The following DPH5 variants were observed in gnomAD, a reference collection of about 807,000 sequenced individuals.
DPH5 encodes diphthine methyl ester synthase.
DPH5 carries 31 observed loss-of-function variants against 31.6 expected under a neutral mutation model. The ratio of observed to expected loss-of-function variants is 0.98; its 90% CI spans 0.74 to 1.32. The LOEUF is 1.32. DPH5 is among the 40% of genes most tolerant of loss of function. The pLI, the probability that DPH5 is intolerant of heterozygous loss-of-function variation, is 0.00. For missense variants in DPH5, 309 were observed against 335.7 expected (o/e 0.92, Z 0.62); for synonymous variants, 120 against 115.0 (o/e 1.04, Z -0.28).
chr1:101,011,341 C>T (rs1397205284), intron 4 of DPH5, among the ~76,000 whole-genome samples: 3 of 152,076 alleles, frequency 2.0e-5, no homozygotes, highest in Non-Finnish European at 4.4e-5. Context: ...AAGACAGAAC[C>T]TTAAAAGGCA....
In DPH5 at chr1:101,025,780, A is replaced by G. The variant is rs1490290901; in HGVS notation, c.-121T>C. The G allele has an allele frequency of 3.9e-6, 1 of 253,412 alleles. No individual in the cohort carries two copies. Among genetic ancestry groups the G allele is most frequent in the African/African-American group, 2.3e-5 (1 of 44,096 alleles). The allele number at this position is 253,412 out of a possible 1,614,324, so 15.7% of individuals were successfully genotyped here. A position where few individuals can be genotyped will look rare whatever the true frequency, so the allele number is the denominator to read the frequency against. ...GCAAAAGCGCCGGCTCCGTGCAGAG[A>G]AAAGGCCCACGCCGCCGGCCTCACC... is the stretch of plus-strand genomic sequence containing the variant. On this transcript the variant is annotated 5_prime_UTR_variant, in exon 1 of 8. Coordinates refer to ENST00000370109, the MANE Select transcript of DPH5 (RefSeq NM_015958.3).
At chr1:101,017,300 G>A (rs903659940) in intron 3 of DPH5, among the ~76,000 whole-genome samples, 4 of 152,184 alleles carry the variant, frequency 2.6e-5, no homozygotes, top group Non-Finnish European at 1.5e-5. Context: ...TTATATGAGA[G>A]TCCTATCTCC....
chr1:101,021,881 T>TCTGC (rs1660487323), intron 2 of DPH5, 116 bp from the exon 3 acceptor site: 3 of 1,106,104 alleles, frequency 2.7e-6, no homozygotes, highest in Non-Finnish European at 3.8e-6. Context: ...GACTGGTGCA[T>TCTGC]ATGTTGGCAA....
At chr1:101,025,273 T>C in intron 2 of DPH5, 36 bp downstream of exon 2, 1 of 1,609,810 alleles carries the variant, frequency 6.2e-7, no homozygotes, top group Admixed American at 1.7e-5. Flanking sequence ...TTAGATAGCT[T>C]TCTTCCCAGG....
chr1:100,994,980 T>A, intron 6 of DPH5, 130 bp downstream of exon 6: 1 of 617,932 alleles, frequency 1.6e-6, no homozygotes. Context: ...AGAATAAAAA[T>A]GCTTAATGTT....
chr1:101,002,021 C>G (rs1295707011), intron 4 of DPH5, among the ~76,000 whole-genome samples: 3 of 152,136 alleles, frequency 2.0e-5, no homozygotes, highest in Non-Finnish European at 2.9e-5. Flanking sequence ...AGTCACATAG[C>G]TAACTAATAT....
chr1:100,994,037 C>T (rs552717645), intron 6 of DPH5, among the ~76,000 whole-genome samples: 26 of 152,022 alleles, frequency 1.7e-4, no homozygotes, highest in Admixed American at 7.9e-4. Flanking sequence ...CCACCACGCC[C>T]AGCCAAAAAA....
chr1:101,001,385 C>G, intron 5 of DPH5, 82 bp downstream of exon 5: 2 of 1,418,624 alleles, frequency 1.4e-6, no homozygotes, highest in South Asian at 2.7e-5. Flanking sequence ...AGCTAATTAT[C>G]CACAGACCTT....
chr1:101,021,847 CA>C, intron 2 of DPH5, 82 bp from the exon 3 acceptor site: 2 of 1,322,902 alleles, frequency 1.5e-6, no homozygotes, highest in Non-Finnish European at 2.1e-6. Flanking sequence ...CACACACACA[CA>C]CACACACACA....
At chr1:101,000,125 C>A (rs1658741571) in intron 5 of DPH5, among the ~76,000 whole-genome samples, 1 of 151,480 alleles carries the variant, frequency 6.6e-6, no homozygotes, top group Non-Finnish European at 1.5e-5. Context: ...CCAGCCTGGG[C>A]AACAGATTGA....
rs116634893 is a variant in DPH5, at chr1:100,992,715, G to A, written c.556C>T (p.Arg186Trp). The A allele has an allele frequency of 8.6e-4, 1,382 of 1,613,090 alleles. 11 individuals carry two copies. In the African/African-American group the frequency reaches 0.016, roughly 19 times the overall value. The change falls in exon 7 of 8, where the codon CGG (arginine) becomes TGG (tryptophan). Residue 186 changes from arginine (R) to tryptophan (W), a missense_variant. By Grantham distance (101) the Arg-to-Trp change is moderately radical. Coordinates refer to ENST00000370109, the MANE Select transcript of DPH5 (RefSeq NM_015958.3). Reference sequence around the variant, plus strand: ...GCTGCTTGGTTTACACTCATATACCGTGGAGGTTCATAGATCTTCCTTCCC... The same window carrying A: ...GCTGCTTGGTTTACACTCATATACCATGGAGGTTCATAGATCTTCCTTCCC... Reference protein sequence around the residue: ...IKGRKIYEPPRYMSVNQAAQQ... With the variant: ...IKGRKIYEPPWYMSVNQAAQQ...
chr1:100,997,566 C>T (rs546654964), intron 5 of DPH5, among the ~76,000 whole-genome samples: 34 of 152,236 alleles, frequency 2.2e-4, no homozygotes, highest in Non-Finnish European at 4.4e-4. Context: ...GGGGTTTCAC[C>T]GTGTTAGTCA....
At chr1:101,001,615 G>C (rs1318815771) in intron 4 of DPH5, 28 bp from the exon 5 acceptor site, 1 of 1,467,652 alleles carries the variant, frequency 6.8e-7, no homozygotes, top group African/African-American at 1.4e-5. Context: ...AATTAATGAT[G>C]GAACAATTAA....
At chr1:101,021,905 G>T in intron 2 of DPH5, 140 bp from the exon 3 acceptor site, 1 of 743,474 alleles carries the variant, frequency 1.3e-6, no homozygotes, top group Non-Finnish European at 2.1e-6. Flanking sequence ...CCCAAATGCA[G>T]ATCATTCAAT....
chr1:101,001,470 G>C lies in DPH5; in HGVS notation c.487C>G (p.Leu163Val), dbSNP rs1450265244. The C allele has an allele frequency of 3.7e-6, 6 of 1,612,008 alleles. No homozygotes were observed. Among genetic ancestry groups the C allele is most frequent in the Non-Finnish European group, 8.5e-7 (1 of 1,179,288 alleles). ...RQNGMHTLCL[L>V]DIKVKEQSLE... ...AAGGAAATTCCAAAACCCTTACCTA[G>C]TAAACATAATGTGTGCATGCCATTT... The change falls in exon 5 of 8, where the codon CTA (leucine) becomes GTA (valine). Residue 163 changes from leucine (L) to valine (V), a missense_variant. Physicochemically the swap from Leu to Val is conservative, Grantham distance 32. Transcript: ENST00000370109.
At position 100,990,246 on chromosome 1, in the gene DPH5, G is replaced by C. The variant is rs941829585; in HGVS notation, c.*162C>G. 1 of 646,028 alleles carries C rather than the reference G, an allele frequency of 1.5e-6. No homozygotes were observed. Among genetic ancestry groups the C allele is most frequent in the East Asian group, 2.7e-5 (1 of 36,576 alleles). The allele number at this position is 646,028 out of a possible 1,614,324, so 40.0% of individuals were successfully genotyped here. A position where few individuals can be genotyped will look rare whatever the true frequency, so the allele number is the denominator to read the frequency against. ...ATCTCATGAAAGCTCACTATCATGA[G>C]AATAGCATGAGGGAAACTGCCCCCA... On this transcript the variant is annotated 3_prime_UTR_variant, in exon 8 of 8. Coordinates refer to ENST00000370109, the MANE Select transcript of DPH5 (RefSeq NM_015958.3).
intron 4 of DPH5, 69 bp from the exon 5 acceptor site, chr1:101,001,656 A>T: frequency 8.1e-7 from 1 of 1,234,726 alleles, no homozygotes; most frequent in Non-Finnish European, 1.1e-6. Flanking sequence ...AGAGAATTTA[A>T]TCATTTTACA....
At chr1:101,001,370 CCT>C in intron 5 of DPH5, 95 bp downstream of exon 5, 4 of 1,262,500 alleles carry the variant, frequency 3.2e-6, no homozygotes, top group Non-Finnish European at 4.4e-6. Context: ...TCTTTTCTTA[CCT>C]CTAGCTAATT....
At position 100,992,748 on chromosome 1, in the gene DPH5, C is replaced by G. The variant is rs768718578; in HGVS notation, c.531-8G>C. The G allele has an allele frequency of 6.3e-7, 1 of 1,596,796 alleles. No homozygotes were observed. Among genetic ancestry groups the G allele is most frequent in the Non-Finnish European group, 8.6e-7 (1 of 1,165,102 alleles). ...TCATAGATCTTCCTTCCCCTATAGGCAGAAAACTAGATGCCACTGTTCTTA... is the reference window on the plus strand; with the variant it reads ...TCATAGATCTTCCTTCCCCTATAGGGAGAAAACTAGATGCCACTGTTCTTA... On this transcript the variant is annotated splice_region_variant and splice_polypyrimidine_tract_variant and intron_variant, in intron 6 of 7. Transcript: ENST00000370109.
Sources: gnomAD v4.1 joint callset for allele counts (sites outside exome capture counted in the v4.1 genomes callset) on GRCh38, gnomAD v4.1.1 for gene constraint, MANE v1.5 for transcripts, NCBI Gene and HGNC (gene_info 2026-07-23, HGNC 2026-07-21) for gene names.